Variants in NFIA observed in about 807,000 individuals in gnomAD.
NFIA encodes nuclear factor 1 A-type.
In NFIA, 8 loss-of-function variants were observed where a neutral mutation model predicts 62.8. The observed-to-expected ratio is 0.13, with a 90% CI of 0.07 to 0.23. The LOEUF (loss-of-function observed/expected upper bound fraction) is 0.23. NFIA is among the 10% of genes least tolerant of loss of function. The pLI is 1.00. For missense variants in NFIA, 410 were observed against 642.1 expected (o/e 0.64, Z 3.91); for synonymous variants, 235 against 238.1 (o/e 0.99, Z 0.12).
intron 2 of NFIA, among the ~76,000 whole-genome samples, chr1:61,153,450 C>A (rs1475071374): frequency 1.3e-5 from 2 of 152,200 alleles, no homozygotes; most frequent in Non-Finnish European, 2.9e-5. Flanking sequence ...AGGACCTCAA[C>A]TATTATTTTT....
chr1:61,107,000 T>G (rs931910477), intron 2 of NFIA, among the ~76,000 whole-genome samples: 1 of 151,502 alleles, frequency 6.6e-6, no homozygotes, highest in Non-Finnish European at 1.5e-5. Context: ...GGGAATTGCT[T>G]TTTTTCACTC....
At chr1:61,330,217 A>G (rs1200627613) in intron 3 of NFIA, among the ~76,000 whole-genome samples, 1 of 152,216 alleles carries the variant, frequency 6.6e-6, no homozygotes, top group Admixed American at 6.5e-5. Flanking sequence ...TTTGGAACCC[A>G]GGAGATAGAT....
chr1:61,448,325 T>C (rs755927927), intron 10 of NFIA, among the ~76,000 whole-genome samples: 1 of 152,226 alleles, frequency 6.6e-6, no homozygotes, highest in Non-Finnish European at 1.5e-5. Context: ...TCTCAAGAAC[T>C]TTCTCTTGCA....
chr1:61,327,508 C>T (rs774389377), intron 3 of NFIA, among the ~76,000 whole-genome samples: 7 of 152,034 alleles, frequency 4.6e-5, no homozygotes, highest in South Asian at 4.1e-4. Flanking sequence ...GAGAACATGA[C>T]GGTATTTAGT....
chr1:61,094,618 G>A (rs551761222), intron 2 of NFIA, among the ~76,000 whole-genome samples: 1 of 152,294 alleles, frequency 6.6e-6, no homozygotes, highest in East Asian at 1.9e-4. Flanking sequence ...TTTCTAAGGT[G>A]GCAGTTCAGA....
chr1:61,117,910 G>A (rs114365720), intron 2 of NFIA, among the ~76,000 whole-genome samples: 8,013 of 152,188 alleles, frequency 0.053, 286 homozygotes, highest in Middle Eastern at 0.12. Context: ...CTGGCCGGGC[G>A]TGGTGGCTCA....
chr1:61,285,635 T>A (rs1343490231), intron 3 of NFIA, among the ~76,000 whole-genome samples: 1 of 152,142 alleles, frequency 6.6e-6, no homozygotes, highest in Admixed American at 6.5e-5. Flanking sequence ...TAGCTTGTCG[T>A]TAAGGAAATC....
intron 2 of NFIA, among the ~76,000 whole-genome samples, chr1:61,233,201 G>GA (rs926042354): frequency 1.3e-5 from 2 of 152,056 alleles, no homozygotes; most frequent in African/African-American, 4.8e-5. Context: ...AGGCAGCCTA[G>GA]AAAAAATCTT....
upstream of NFIA, chr1:61,081,856 G>GA: frequency 6.5e-7 from 1 of 1,533,720 alleles, no homozygotes; most frequent in Non-Finnish European, 8.7e-7. Flanking sequence ...CTTCGCTGGA[G>GA]AGATTACAAT....
intron 10 of NFIA, among the ~76,000 whole-genome samples, chr1:61,444,966 G>T (rs1667742680): frequency 6.6e-6 from 1 of 152,174 alleles, no homozygotes; most frequent in South Asian, 2.1e-4. Context: ...TTGAGAGTTT[G>T]TTCCCAAATC....
intron 9 of NFIA, among the ~76,000 whole-genome samples, chr1:61,413,981 T>G (rs112649993): frequency 1.8e-5 from 2 of 110,620 alleles, no homozygotes; most frequent in Non-Finnish European, 4.1e-5. Context: ...TTTTTTGTTT[T>G]TTTGTTTGTT....
intron 2 of NFIA, among the ~76,000 whole-genome samples, chr1:61,206,897 T>G (rs773148400): frequency 3.3e-5 from 5 of 152,172 alleles, no homozygotes; most frequent in Admixed American, 6.5e-5. Context: ...ATTTTGCATA[T>G]TTGGGACCAA....
chr1:61,082,730 A>G lies in NFIA; in HGVS notation c.-62A>G. On this transcript the variant is annotated 5_prime_UTR_variant, in exon 1 of 11. Coordinates refer to ENST00000403491, the MANE Select transcript of NFIA (RefSeq NM_001134673.4). The stretch of plus-strand genomic sequence containing the variant: ...TCCCTCTTTCTCCTCTCTCACCCAC[A>G]CTCACGCACACCTCCAAACCGCACA... The G allele has an allele frequency of 6.5e-7, 1 of 1,544,464 alleles. No individual in the cohort carries two copies. Among genetic ancestry groups the G allele is most frequent in the African/African-American group, 1.4e-5 (1 of 70,834 alleles).
At chr1:61,170,874 G>A (rs1464116214) in intron 2 of NFIA, among the ~76,000 whole-genome samples, 5 of 151,816 alleles carry the variant, frequency 3.3e-5, no homozygotes, top group African/African-American at 9.7e-5. Flanking sequence ...AGCAGACTTT[G>A]TTGTTGTTTT....
intron 6 of NFIA, among the ~76,000 whole-genome samples, chr1:61,368,632 T>G (rs1013923060): frequency 2.6e-5 from 4 of 152,200 alleles, no homozygotes; most frequent in Admixed American, 6.5e-5. Context: ...GAGCTGCCAT[T>G]TATTAAGCAT....
chr1:61,214,226 C>T (rs1206877996), intron 2 of NFIA, among the ~76,000 whole-genome samples: 1 of 152,044 alleles, frequency 6.6e-6, no homozygotes, highest in Non-Finnish European at 1.5e-5. Flanking sequence ...AGGGGGCCCA[C>T]TCTTTTGTTC....
upstream of NFIA, chr1:61,082,395 A>T: frequency 1.2e-6 from 1 of 810,908 alleles, no homozygotes; most frequent in Non-Finnish European, 1.5e-6. Flanking sequence ...CGGCGGCGCG[A>T]GCGGGCGGCG....
At chr1:61,193,416 G>A (rs931139039) in intron 2 of NFIA, among the ~76,000 whole-genome samples, 80 of 152,180 alleles carry the variant, frequency 5.3e-4, no homozygotes, top group Non-Finnish European at 1.8e-4. Flanking sequence ...CTAATGACAT[G>A]TGGAAGTCAC....
At chr1:61,388,705 A>G (rs565404188) in intron 7 of NFIA, among the ~76,000 whole-genome samples, 2 of 152,352 alleles carry the variant, frequency 1.3e-5, no homozygotes, top group East Asian at 3.9e-4. Flanking sequence ...TGGTCTGGGA[A>G]TCTTTTGGTA....
Sources: allele counts gnomAD v4.1 joint callset (sites outside exome capture counted in the v4.1 genomes callset), GRCh38; gene constraint gnomAD v4.1.1; transcripts MANE v1.5; gene names NCBI Gene and HGNC (gene_info 2026-07-23, HGNC 2026-07-21).